TUSC3: variants seen among roughly 807,000 people sequenced by gnomAD.
TUSC3 encodes the protein dolichyl-diphosphooligosaccharide--protein glycosyltransferase subunit TUSC3.
In TUSC3, 45 loss-of-function variants were observed where a neutral mutation model predicts 44.8. That is an observed-to-expected ratio of 1.00 (90% CI 0.79 to 1.29). TUSC3 has a LOEUF of 1.29. Ranked by LOEUF, TUSC3 falls within the 50% of genes most tolerant of loss-of-function variation. The pLI is 0.00. For synonymous variants in TUSC3, 212 were observed against 152.9 expected, an observed-to-expected ratio of 1.39 and a Z score of -2.85; for missense variants, 519 against 437.9, an observed-to-expected ratio of 1.19 and a Z score of -1.65.
chr8:15,510,467 G>A (rs536361189), intron 2 of TUSC3, among the ~76,000 whole-genome samples: 1 of 144,528 alleles, frequency 6.9e-6, no homozygotes, highest in African/African-American at 2.9e-5. Flanking sequence ...ATATATAAAT[G>A]CATGCAGTAA....
At chr8:15,681,560 T>TC (rs1554473931) in intron 6 of TUSC3, among the ~76,000 whole-genome samples, 2 of 3,766 alleles carry the variant, frequency 5.3e-4, no homozygotes, top group Admixed American at 1.3e-3. Flanking sequence ...ATCTTTTCTC[T>TC]TTTTTTTTTT....
intron 1 of TUSC3, among the ~76,000 whole-genome samples, chr8:15,599,617 C>A (rs975839818): frequency 6.7e-6 from 1 of 150,024 alleles, no homozygotes; most frequent in African/African-American, 2.4e-5. Context: ...GGTGTAAAGT[C>A]TAGATTCATT....
intron 10 of TUSC3, among the ~76,000 whole-genome samples, chr8:15,759,866 C>T (rs1812098291): frequency 6.6e-6 from 1 of 152,112 alleles, no homozygotes; most frequent in Admixed American, 6.6e-5. Flanking sequence ...TTTCTCCACC[C>T]CTTTTCCCCG....
Position 15,472,112 on chromosome 8 carries a change from A to G in TUSC3, n.92-11274A>G, listed in dbSNP as rs541496279. On this transcript the variant is annotated intron_variant and non_coding_transcript_variant, in intron 1 of 5. Transcript: ENST00000503191. ...TTAGCTTTGAGAAAACTTTTTAGGT[A>G]TATTTTGTAATGGGAATATCTGACA... Among the ~76,000 whole-genome samples, 7 of 152,350 alleles carry G rather than the reference A, an allele frequency of 4.6e-5. No homozygotes were observed. The South Asian group carries it at 1.4e-3, about 32-fold the overall frequency.
intron 6 of TUSC3, among the ~76,000 whole-genome samples, chr8:15,702,048 G>A (rs1326987011): frequency 6.6e-6 from 1 of 152,120 alleles, no homozygotes; most frequent in Non-Finnish European, 1.5e-5. Flanking sequence ...CCAAGGTAAT[G>A]GAAATGGGAC....
At chr8:15,473,939 A>T (rs1304809720) in intron 1 of TUSC3, among the ~76,000 whole-genome samples, 1 of 152,154 alleles carries the variant, frequency 6.6e-6, no homozygotes, top group Non-Finnish European at 1.5e-5. Context: ...TCTCCAACCT[A>T]GTAAGCCTGA....
chr8:15,775,616 A>C, the TUSC3 span, among the ~76,000 whole-genome samples: 1 of 131,522 alleles, frequency 7.6e-6, no homozygotes, highest in East Asian at 2.2e-4. Context: ...ATGTATGTAC[A>C]TATATATATA....
intron 1 of TUSC3, among the ~76,000 whole-genome samples, chr8:15,544,481 G>GA (rs1801798212): frequency 6.6e-6 from 1 of 151,754 alleles, no homozygotes; most frequent in Non-Finnish European, 1.5e-5. Flanking sequence ...TATGCAATAT[G>GA]AAAAATTGAA....
the TUSC3 span, among the ~76,000 whole-genome samples, chr8:15,820,798 G>C: frequency 6.6e-6 from 1 of 152,092 alleles, no homozygotes. Context: ...TTTTGGAAAG[G>C]CTTTAGATAA....
chr8:15,786,544 G>T, the TUSC3 span, among the ~76,000 whole-genome samples: 1 of 152,154 alleles, frequency 6.6e-6, no homozygotes, highest in Non-Finnish European at 1.5e-5. Flanking sequence ...GATCAAGGAT[G>T]CAGAATAGAG....
chr8:15,572,936 A>AAAT (rs1248078367), intron 1 of TUSC3, among the ~76,000 whole-genome samples: 1 of 151,980 alleles, frequency 6.6e-6, no homozygotes, highest in Non-Finnish European at 1.5e-5. Context: ...TTTCCATAAC[A>AAAT]AATAATAATA....
At chr8:15,552,290 G>A (rs1028443083) in intron 1 of TUSC3, among the ~76,000 whole-genome samples, 13 of 151,560 alleles carry the variant, frequency 8.6e-5, no homozygotes, top group African/African-American at 3.1e-4. Flanking sequence ...GTCATTTTTT[G>A]TCAACAAATA....
At chr8:15,422,549 A>T (rs750988369) in intron 1 of TUSC3, among the ~76,000 whole-genome samples, 2 of 152,194 alleles carry the variant, frequency 1.3e-5, no homozygotes, top group African/African-American at 4.8e-5. Context: ...TGTTATATTC[A>T]TAACATTTGC....
At chr8:15,513,182 C>G (rs35450770) in intron 2 of TUSC3, among the ~76,000 whole-genome samples, 13,076 of 151,494 alleles carry the variant, frequency 0.086, 749 homozygotes, top group South Asian at 0.2. Context: ...TGATAAATAT[C>G]TCTAAAACAT....
chr8:15,581,812 C>T (rs1031948000), intron 1 of TUSC3, among the ~76,000 whole-genome samples: 2 of 132,686 alleles, frequency 1.5e-5, no homozygotes, highest in African/African-American at 3.2e-5. Context: ...CCTACAGAGG[C>T]AGGCAGGCCT....
At chr8:15,566,595 A>G (rs1802682629) in intron 1 of TUSC3, among the ~76,000 whole-genome samples, 1 of 143,602 alleles carries the variant, frequency 7.0e-6, no homozygotes, top group African/African-American at 2.5e-5. Context: ...ACTTCACAGA[A>G]GACACATTTT....
chr8:15,781,027 A>T, the TUSC3 span, among the ~76,000 whole-genome samples: 2 of 152,158 alleles, frequency 1.3e-5, no homozygotes, highest in African/African-American at 4.8e-5. Context: ...ACTAACTTGT[A>T]TCAGGTAGTT....
rs549994080 is a variant in TUSC3 at position 15,670,980 on chromosome 8, A to G, written c.709-2767A>G. ...GCAAATAAAATGACAGTGTGACACT[A>G]TCATACCTCTGCCAGAAGATCCAGA... On this transcript the variant is annotated intron_variant, in intron 5 of 10. Transcript: ENST00000503731. Among the ~76,000 whole-genome samples the G allele has an allele frequency of 3.3e-5, 5 of 152,090 alleles. No homozygotes were observed. In the South Asian group the frequency reaches 6.2e-4, roughly 19 times the overall value.
intron 2 of TUSC3, among the ~76,000 whole-genome samples, chr8:15,494,552 C>A (rs1198338522): frequency 2.6e-5 from 4 of 152,116 alleles, no homozygotes; most frequent in African/African-American, 9.7e-5. Context: ...CTCTTGACGT[C>A]GTGATCTGCA....
Sources: allele counts gnomAD v4.1 joint callset (sites outside exome capture counted in the v4.1 genomes callset), GRCh38; gene constraint gnomAD v4.1.1; transcripts MANE v1.5; gene names NCBI Gene and HGNC (gene_info 2026-07-23, HGNC 2026-07-21).